The following C1orf116 variants were observed in gnomAD, a reference collection of about 807,000 sequenced individuals.
C1orf116 encodes the protein chromosome 1 open reading frame 116.
Under a neutral mutation model 14.1 loss-of-function variants are expected in C1orf116, and 12 were observed. The ratio of observed to expected loss-of-function variants is 0.85; its 90% confidence interval spans 0.54 to 1.38. The LOEUF (loss-of-function observed/expected upper bound fraction) is 1.38, where lower values mean the gene tolerates loss of function less well. C1orf116 is among the 40% of genes most tolerant of loss of function. The pLI is 0.00. For missense variants in C1orf116, 797 were observed against 747.0 expected (o/e 1.07, Z -0.78); for synonymous variants, 296 against 299.0 (o/e 0.99, Z 0.10).
rs768359550 is a variant in C1orf116, at chr1:207,024,867, C to T, written c.283+20G>A. On this transcript the variant is annotated intron_variant, in intron 3 of 3. Transcript: ENST00000359470. ...TTTTCTGGGTTTTGCTGGGGTTCCA[C>T]CCCAGAGGGTCTGCCTTACCCCGGG... 1.9e-6 allele frequency: 3 copies of T among 1,602,396 alleles called. No homozygotes were observed. The highest frequency in any genetic ancestry group is 1.7e-6 in the Non-Finnish European group (2 of 1,170,394).
At position 207,032,662 on chromosome 1, in the gene C1orf116, T is replaced by A. The variant is rs1251582730; in HGVS notation, c.-165A>T. On this transcript the variant is annotated 5_prime_UTR_variant, in exon 1 of 4. Coordinates refer to ENST00000359470, the MANE Select transcript of C1orf116 (RefSeq NM_023938.6). ...AGATGGAGACAGAGGCTGCTTCCCC[T>A]GCCTCCTACTGTTTTCTTCTCCTTT... is the stretch of plus-strand genomic sequence containing the variant. The A allele has an allele frequency of 1.0e-6, 1 of 985,398 alleles. No individual in the cohort carries two copies. Among genetic ancestry groups the A allele is most frequent in the African/African-American group, 1.7e-5 (1 of 57,266 alleles). 61.0% of individuals were successfully genotyped at this position (985,398 alleles called of 1,614,324 possible).
Position 207,022,727 on chromosome 1 carries a change from G to T in C1orf116, c.1037C>A (p.Ala346Glu), listed in dbSNP as rs149898526. Residue 346 changes from alanine (A) to glutamate (E), a missense_variant, in exon 4 of 4, where the codon GCA (alanine) becomes GAA (glutamate). Transcript: ENST00000359470. The part of the protein sequence containing the change: ...ISCSLQEQRK[A>E]RKEALEKLGL... Reference sequence around the variant, plus strand: ...CAGCTTCTCTAGAGCTTCTTTACGTGCTTTTCTCTGCTCTTGCAGTGAACA... The same window carrying T: ...CAGCTTCTCTAGAGCTTCTTTACGTTCTTTTCTCTGCTCTTGCAGTGAACA... 3.7e-6 allele frequency: 6 copies of T among 1,614,044 alleles called. No individual in the cohort carries two copies. The highest frequency in any genetic ancestry group is 3.3e-5 in the Admixed American group (2 of 60,006).
At position 207,022,898 on chromosome 1, in the gene C1orf116, C is replaced by A. The variant is rs569420144; in HGVS notation, c.866G>T (p.Arg289Leu). 4 of 1,613,920 alleles carry A rather than the reference C, an allele frequency of 2.5e-6. No homozygotes were observed. Among genetic ancestry groups the A allele is most frequent in the Middle Eastern group, 1.6e-4 (1 of 6,062 alleles). Reference protein sequence around the residue: ...PLSSGEDPNSRLAPLTTPKPR... With the variant: ...PLSSGEDPNSLLAPLTTPKPR... ...CTTAGGGGTTGTGAGGGGAGCTAGT[C>A]GGCTGTTTGGGTCCTCCCCTGATGA... The change falls in exon 4 of 4, where the codon CGA becomes CTA. Residue 289 changes from arginine (R) to leucine (L), a missense_variant. Physicochemically the swap from Arg to Leu is moderately radical, Grantham distance 102. Coordinates refer to ENST00000359470, the MANE Select transcript of C1orf116 (RefSeq NM_023938.6).
At chr1:207,027,425 T>TAGGGC (rs1178444473) in intron 2 of C1orf116, 69 bp downstream of exon 2, 19 of 1,581,560 alleles carry the variant, frequency 1.2e-5, no homozygotes, top group East Asian at 9.0e-5. Flanking sequence ...CAGGAAAGGA[T>TAGGGC]AGGGCAGGGC....
intron 2 of C1orf116, among the ~76,000 whole-genome samples, chr1:207,027,244 C>T (rs1682106214): frequency 6.6e-6 from 1 of 152,174 alleles, no homozygotes; most frequent in South Asian, 2.1e-4. Context: ...CAACCCAACC[C>T]CCAACCTAAT....
At chr1:207,028,854 G>A (rs1682160736) in intron 1 of C1orf116, among the ~76,000 whole-genome samples, 1 of 152,208 alleles carries the variant, frequency 6.6e-6, no homozygotes, top group African/African-American at 2.4e-5. Flanking sequence ...ACAGAGAGTT[G>A]GAGGAGAGCC....
rs777439178 is a variant in C1orf116 at position 207,021,465 on chromosome 1, G to A, written c.*493C>T. On this transcript the variant is annotated 3_prime_UTR_variant, in exon 4 of 4. Transcript: ENST00000359470. ...CTGAGAGAGGGATCTGGCAAGGTAT[G>A]AGCCAGTCTCCATCCACTGTAGGGA... The A allele has an allele frequency of 6.5e-6, 1 of 152,842 alleles. No homozygotes were observed. 9.5% of individuals were successfully genotyped at this position (152,842 alleles called of 1,614,324 possible).
intron 1 of C1orf116, among the ~76,000 whole-genome samples, chr1:207,028,648 A>G (rs1250672302): frequency 6.6e-6 from 1 of 152,152 alleles, no homozygotes; most frequent in East Asian, 1.9e-4. Flanking sequence ...TTCCTTAGGG[A>G]AAAAAAGTTT....
chr1:207,022,044 A>G lies in C1orf116; in HGVS notation c.1720T>C (p.Cys574Arg), dbSNP rs1553247547. 1.2e-6 allele frequency: 2 copies of G among 1,600,074 alleles called. No homozygotes were observed. The highest frequency in any genetic ancestry group is 1.7e-5 in the Admixed American group (1 of 58,280). ...QSRDKLPRPP[C>R]VSVKISPKGV... ...TTTGGGGAGATCTTGACACTGACACAGGGGGGGCGAGGAAGCTTGTCACGG... is the reference window on the plus strand; with the variant it reads ...TTTGGGGAGATCTTGACACTGACACGGGGGGGGCGAGGAAGCTTGTCACGG... The change falls in exon 4 of 4, where the codon TGT becomes CGT. Residue 574 changes from cysteine to arginine, a missense_variant. Transcript: ENST00000359470.
rs1024058082 is a variant in C1orf116 at position 207,027,816 on chromosome 1, C to T, written c.-81-137G>A. 2.0e-5 allele frequency: 20 copies of T among 994,874 alleles called. No homozygotes were observed. In the African/African-American group the frequency reaches 2.8e-4, roughly 14 times the overall value. The allele number at this position is 994,874 out of a possible 1,614,324, so 61.6% of individuals were successfully genotyped here. ...GGGCATGAACAGCCACTGCCCGACA[C>T]CCCCGGCCTGCATGGAAGGACCCTG... is the stretch of plus-strand genomic sequence containing the variant. On this transcript the variant is annotated intron_variant, in intron 1 of 3. Transcript: ENST00000359470.
At chr1:207,032,302 C>T (rs915601450) in intron 1 of C1orf116, among the ~76,000 whole-genome samples, 3 of 152,186 alleles carry the variant, frequency 2.0e-5, no homozygotes, top group Non-Finnish European at 4.4e-5. Context: ...AATCTATTTT[C>T]TTTTTCTTGT....
Position 207,022,466 on chromosome 1 carries a change from C to T in C1orf116, c.1298G>A (p.Gly433Asp). 7 of 1,613,290 alleles carry T rather than the reference C, an allele frequency of 4.3e-6. No individual in the cohort carries two copies. The highest frequency in any genetic ancestry group is 5.9e-6 in the Non-Finnish European group (7 of 1,179,368). Residue 433 changes from glycine (G) to aspartate (D), a missense_variant, in exon 4 of 4, where the codon GGC (glycine) becomes GAC (aspartate). Physicochemically the swap from Gly to Asp is moderately conservative, Grantham distance 94. Coordinates refer to ENST00000359470, the MANE Select transcript of C1orf116 (RefSeq NM_023938.6). ...CATAGATTTGCTAGCTGCAACATTG[C>T]CTGGAGCTGGAGACTTCATTGGCAA... Reference protein sequence around the residue: ...GPLPMKSPAPGNVAASKSMPI... With the variant: ...GPLPMKSPAPDNVAASKSMPI...
In C1orf116 at chr1:207,019,447, T is replaced by C. The variant is rs1681763866; in HGVS notation, c.*2511A>G. 6.6e-6 allele frequency: 1 copy of C among 152,174 alleles called. No individual in the cohort carries two copies. The highest frequency in any genetic ancestry group is 2.4e-5 in the African/African-American group (1 of 41,432). 9.4% of individuals were successfully genotyped at this position (152,174 alleles called of 1,614,324 possible). A position where few individuals can be genotyped will look rare whatever the true frequency, so the allele number is the denominator to read the frequency against. ...CTTTACAAACTTCCACCCACAATTC[T>C]TTGAAAAGGGATGAGTAACTCTGAC... On this transcript the variant is annotated 3_prime_UTR_variant, in exon 4 of 4. Transcript: ENST00000359470.
At chr1:207,027,748 G>C in intron 1 of C1orf116, 69 bp from the exon 2 acceptor site, 1 of 1,423,674 alleles carries the variant, frequency 7.0e-7, no homozygotes, top group Non-Finnish European at 9.2e-7. Context: ...GGCCCTGGGC[G>C]GCATGGCGGG....
rs1218636113 is a variant in C1orf116, at chr1:207,027,717, G to A, written c.-81-38C>T. ...GAATCAAAGCCACACATGAGCCGAG[G>A]CTTCGGCAAGGCTCTGCCCAGGCCC... On this transcript the variant is annotated intron_variant, in intron 1 of 3. Transcript: ENST00000359470. 4 of 1,484,270 alleles carry A rather than the reference G, an allele frequency of 2.7e-6. No individual in the cohort carries two copies. In the African/African-American group the frequency reaches 5.5e-5, roughly 21 times the overall value. 91.9% of individuals were successfully genotyped at this position (1,484,270 alleles called of 1,614,324 possible).
rs761282747 is a variant in C1orf116, at chr1:207,023,346, T to C, written c.418A>G (p.Ile140Val). 1 of 1,614,110 alleles carries C rather than the reference T, an allele frequency of 6.2e-7. No individual in the cohort carries two copies. ...TTCCTGAAGTTCTGGCTTCTGGCAATGTGGATATTCCTAGGGAGGCTGTAG... is the reference window on the plus strand; with the variant it reads ...TTCCTGAAGTTCTGGCTTCTGGCAACGTGGATATTCCTAGGGAGGCTGTAG... ...GSYSLPRNIHIARSQNFRKST... is the reference protein window; with the variant it reads ...GSYSLPRNIHVARSQNFRKST... Residue 140 changes from isoleucine to valine, a missense_variant, in exon 4 of 4, where the codon ATT becomes GTT. Ile to Val is a conservative substitution (Grantham distance 29). Coordinates refer to ENST00000359470, the MANE Select transcript of C1orf116 (RefSeq NM_023938.6).
chr1:207,027,518 G>A lies in C1orf116; in HGVS notation c.81C>T (p.Ser27=). The change falls in exon 2 of 4, where the codon AGC becomes AGT. Residue 27 remains serine (S), a synonymous_variant. Transcript: ENST00000359470. ...TRVGSCDSMM[S]STSTRSGSSD... The stretch of plus-strand genomic sequence containing the variant: ...CAGATCCAGAGCGGGTGGAGGTGCT[G>A]CTCATCATGCTGTCACAGCTGCCGA... The A allele has an allele frequency of 1.9e-6, 3 of 1,613,862 alleles. No individual in the cohort carries two copies. The highest frequency in any genetic ancestry group is 1.7e-6 in the Non-Finnish European group (2 of 1,180,022).
chr1:207,030,350 G>A (rs570191595), intron 1 of C1orf116, among the ~76,000 whole-genome samples: 1 of 152,268 alleles, frequency 6.6e-6, no homozygotes, highest in African/African-American at 2.4e-5. Flanking sequence ...ATGCCCCCGA[G>A]AATGGTTACT....
In C1orf116 at chr1:207,020,621, A is replaced by C. The variant is rs1275070618; in HGVS notation, c.*1337T>G. On this transcript the variant is annotated 3_prime_UTR_variant, in exon 4 of 4. Transcript: ENST00000359470. ...ACTTGGTCACGGAATTTGAGGGGAG[A>C]GGTGTTCTGGTTAATGATGAGTTAC... is the stretch of plus-strand genomic sequence containing the variant. The C allele has an allele frequency of 6.6e-6, 1 of 151,942 alleles. No homozygotes were observed. Among genetic ancestry groups the C allele is most frequent in the Non-Finnish European group, 1.5e-5 (1 of 67,992 alleles). The allele number at this position is 151,942 out of a possible 1,614,324, so 9.4% of individuals were successfully genotyped here.
Sources: gnomAD v4.1 joint callset for allele counts (sites outside exome capture counted in the v4.1 genomes callset) on GRCh38, gnomAD v4.1.1 for gene constraint, MANE v1.5 for transcripts, NCBI Gene and HGNC (gene_info 2026-07-23, HGNC 2026-07-21) for gene names.